Variants in LAMA4 observed in about 807,000 individuals in gnomAD.
LAMA4 encodes laminin subunit alpha 4.
In LAMA4, 127 loss-of-function variants were observed where a neutral mutation model predicts 207.1. The ratio of observed to expected loss-of-function variants is 0.61; its 90% CI spans 0.53 to 0.71. LAMA4 has a LOEUF of 0.71. Among genes scored for constraint, LAMA4 ranks in the 30% least tolerant of loss-of-function variants. LAMA4 has a pLI of 0.00. For synonymous variants in LAMA4, 761 were observed against 816.0 expected (o/e 0.93, Z 1.15); for missense variants, 2,093 against 2,246.5 (o/e 0.93, Z 1.38).
At chr6:112,250,529 A>G (rs971515806) in intron 2 of LAMA4, among the ~76,000 whole-genome samples, 1 of 152,194 alleles carries the variant, frequency 6.6e-6, no homozygotes, top group Non-Finnish European at 1.5e-5. Context: ...TTTCTAGGAG[A>G]GAAATTCCTC....
intron 4 of LAMA4, among the ~76,000 whole-genome samples, chr6:112,202,692 A>G (rs6904212): frequency 6.6e-6 from 1 of 151,754 alleles, no homozygotes; most frequent in Non-Finnish European, 1.5e-5. Flanking sequence ...TTATTTTCGC[A>G]AACAGTTGGG....
chr6:112,145,631 T>C (rs1011474700), intron 18 of LAMA4, among the ~76,000 whole-genome samples: 2 of 152,188 alleles, frequency 1.3e-5, no homozygotes, highest in African/African-American at 4.8e-5. Flanking sequence ...CCCTCAAGTG[T>C]TCTTTCAGCC....
rs1779691345 is a variant in LAMA4, at chr6:112,141,484, C to A, written c.2687G>T (p.Gly896Val). Reference sequence around the variant, plus strand: ...CAGATTATCATTTTTGATTGCAAGACCCATATACTCTTTTTTGGCCTGAAA... The same window carrying A: ...CAGATTATCATTTTTGATTGCAAGAACCATATACTCTTTTTTGGCCTGAAA... ...GSKNAKKEYM[G>V]LAIKNDNLVY... The change falls in exon 21 of 39, where the codon GGT becomes GTT. Residue 896 changes from glycine (G) to valine (V), a missense_variant. Around this residue, in one of 3 missense-constraint regions of LAMA4, gnomAD observed 1,704 missense variants for 1,788.4 expected, o/e 0.95. Transcript: ENST00000230538. The A allele has an allele frequency of 4.4e-6, 7 of 1,607,386 alleles. No individual in the cohort carries two copies. The highest frequency in any genetic ancestry group is 2.2e-5 in the South Asian group (2 of 90,926).
rs1436437750 is a variant in LAMA4 at position 112,232,653 on chromosome 6, T to C, written c.196-16184A>G. On this transcript the variant is annotated intron_variant, in intron 2 of 38. Transcript: ENST00000230538. ...AGATAACTGTTGTGATCGAGATAGC[T>C]ATTCTGTTACAGCACGTTTCTAAAA... 2.0e-5 allele frequency among the ~76,000 whole-genome samples: 3 copies of C among 152,328 alleles called. No individual in the cohort carries two copies. In the East Asian group the frequency reaches 5.8e-4, roughly 29 times the overall value.
intron 2 of LAMA4, among the ~76,000 whole-genome samples, chr6:112,225,599 C>G (rs1785167838): frequency 1.3e-5 from 2 of 152,224 alleles, no homozygotes; most frequent in East Asian, 3.9e-4. Context: ...AGATTAGAGT[C>G]TCAAGTGAGA....
intron 10 of LAMA4, among the ~76,000 whole-genome samples, chr6:112,175,863 GC>G (rs1583801436): frequency 6.6e-6 from 1 of 152,222 alleles, no homozygotes; most frequent in Non-Finnish European, 1.5e-5. Context: ...TCTTTGATCA[GC>G]CTTTTATATA....
At chr6:112,227,365 C>T (rs567530901) in intron 2 of LAMA4, among the ~76,000 whole-genome samples, 19 of 152,052 alleles carry the variant, frequency 1.2e-4, no homozygotes, top group South Asian at 1.0e-3. Context: ...CACCGTGCCC[C>T]GCCTGACTAT....
intron 10 of LAMA4, among the ~76,000 whole-genome samples, chr6:112,176,949 A>G (rs904946659): frequency 6.6e-6 from 1 of 151,642 alleles, no homozygotes; most frequent in Non-Finnish European, 1.5e-5. Context: ...CTTTTGAATC[A>G]AAACATGGGT....
At position 112,115,159 on chromosome 6, in the gene LAMA4, C is replaced by T. The variant is rs587595773; in HGVS notation, c.5113-403G>A. On this transcript the variant is annotated intron_variant, in intron 36 of 38. Transcript: ENST00000230538. ...TGTAAATTATAAGCGATACTGTTAC[C>T]TACATCATGGAGATAATTGGGAGGA... Among the ~76,000 whole-genome samples, 40 of 152,188 alleles carry T rather than the reference C, an allele frequency of 2.6e-4. 1 individual carries two copies. Among genetic ancestry groups the T allele is most frequent in the African/African-American group, 9.6e-4 (40 of 41,518 alleles).
rs191898845 is a variant in LAMA4, at chr6:112,221,471, A to T, written c.196-5002T>A. On this transcript the variant is annotated intron_variant, in intron 2 of 38. Transcript: ENST00000230538. ...AAAAACAAACCCAAAATCCCTCTAAATTCATTCACTGGTGTTCAGAATCAT... is the reference window on the plus strand; with the variant it reads ...AAAAACAAACCCAAAATCCCTCTAATTTCATTCACTGGTGTTCAGAATCAT... Among the ~76,000 whole-genome samples, 621 of 152,288 alleles carry T rather than the reference A, an allele frequency of 4.1e-3. 4 individuals carry two copies. The highest frequency in any genetic ancestry group is 0.014 in the African/African-American group (586 of 41,574).
At chr6:112,178,268 A>G in intron 9 of LAMA4, 36 bp from the exon 10 acceptor site, 1 of 1,461,412 alleles carries the variant, frequency 6.8e-7, no homozygotes, top group Non-Finnish European at 9.6e-7. Context: ...GATTAAATGT[A>G]TGAGAAAAGA....
chr6:112,109,107 A>G lies in LAMA4; in HGVS notation c.*330T>C. On this transcript the variant is annotated 3_prime_UTR_variant, in exon 39 of 39. Transcript: ENST00000230538. Reference sequence around the variant, plus strand: ...AAGGTGAATCTGAGAATCTAGCCGCACTTCAAAAATGTGTGCAAGTGTTTA... The same window carrying G: ...AAGGTGAATCTGAGAATCTAGCCGCGCTTCAAAAATGTGTGCAAGTGTTTA... 1 of 307,480 alleles carries G rather than the reference A, an allele frequency of 3.3e-6. No homozygotes were observed. The highest frequency in any genetic ancestry group is 6.2e-6 in the Non-Finnish European group (1 of 160,962). The allele number at this position is 307,480 out of a possible 1,614,324, so 19.0% of individuals were successfully genotyped here.
At position 112,120,275 on chromosome 6, in the gene LAMA4, C is replaced by T; in HGVS notation, c.4665+8G>A. On this transcript the variant is annotated splice_region_variant and intron_variant, in intron 33 of 38. Transcript: ENST00000230538. ...TGCTGGTAATGCTGTTCTCTGCCTT[C>T]AACTTACATCATGCCACAGGCCATC... 1 of 1,612,072 alleles carries T rather than the reference C, an allele frequency of 6.2e-7. No individual in the cohort carries two copies. Among genetic ancestry groups the T allele is most frequent in the Admixed American group, 1.7e-5 (1 of 59,984 alleles).
chr6:112,227,660 A>G (rs1785298226), intron 2 of LAMA4, among the ~76,000 whole-genome samples: 1 of 152,190 alleles, frequency 6.6e-6, no homozygotes, highest in Non-Finnish European at 1.5e-5. Flanking sequence ...CACAGTTTAA[A>G]AATAAGCAAA....
At chr6:112,204,517 T>A (rs1783941472) in intron 4 of LAMA4, among the ~76,000 whole-genome samples, 1 of 151,042 alleles carries the variant, frequency 6.6e-6, no homozygotes, top group East Asian at 1.9e-4. Flanking sequence ...CCTATAAACC[T>A]TTTCTGAGCA....
At chr6:112,238,130 T>C (rs922969127) in intron 2 of LAMA4, among the ~76,000 whole-genome samples, 1 of 152,238 alleles carries the variant, frequency 6.6e-6, no homozygotes, top group Non-Finnish European at 1.5e-5. Flanking sequence ...ACCTTGCCCA[T>C]GAAGTCACCT....
chr6:112,188,351 C>T (rs1451867509), intron 7 of LAMA4, among the ~76,000 whole-genome samples: 1 of 152,178 alleles, frequency 6.6e-6, no homozygotes, highest in Non-Finnish European at 1.5e-5. Flanking sequence ...TAGGACCAGG[C>T]AGGCATCTTG....
chr6:112,205,043 C>T (rs1048898173), intron 4 of LAMA4, among the ~76,000 whole-genome samples: 1 of 152,222 alleles, frequency 6.6e-6, no homozygotes, highest in Admixed American at 6.5e-5. Context: ...TTCTGTTTAT[C>T]AGTAAGTGTG....
Position 112,117,763 on chromosome 6 carries a change from T to G in LAMA4, c.4957A>C (p.Thr1653Pro), listed in dbSNP as rs1554324448. Residue 1653 changes from threonine (T) to proline (P), a missense_variant, in exon 35 of 39, where the codon ACA (threonine) becomes CCA (proline). Thr to Pro is a conservative substitution (Grantham distance 38). This residue lies in a region of LAMA4 where 383 missense variants were observed against 437.8 expected (regional missense o/e 0.87). Transcript: ENST00000230538. The surrounding 1 kb of genome is among the most constrained non-coding windows in gnomAD (Gnocchi z 4.5). Reference sequence around the variant, plus strand: ...CCTAGAACCACGTATCCTCCTTCTGTTGAAAAGTAAGTTCCTGTTTCCATG... The same window carrying G: ...CCTAGAACCACGTATCCTCCTTCTGGTGAAAAGTAAGTTCCTGTTTCCATG... ...GPMETGTYFS[T>P]EGGYVVLDES... 3 of 1,613,676 alleles carry G rather than the reference T, an allele frequency of 1.9e-6. No homozygotes were observed. Among genetic ancestry groups the G allele is most frequent in the Non-Finnish European group, 2.5e-6 (3 of 1,179,682 alleles).
Sources: gnomAD v4.1 joint callset for allele counts (sites outside exome capture counted in the v4.1 genomes callset) on GRCh38, gnomAD v4.1.1 for gene constraint, gnomAD v4.1.1 regional missense constraint, Gnocchi (gnomAD v3.1) non-coding constraint, MANE v1.5 for transcripts, NCBI Gene and HGNC (gene_info 2026-07-23, HGNC 2026-07-21) for gene names.